TBC1D22A: variants seen among roughly 807,000 people sequenced by gnomAD.
TBC1D22A encodes putative GTPase activator.
A neutral mutation model predicts 60.2 loss-of-function variants in TBC1D22A; 38 were observed. That is an observed-to-expected ratio of 0.63 (90% CI 0.49 to 0.83). TBC1D22A has a LOEUF of 0.83. Among genes scored for constraint, TBC1D22A ranks in the 40% least tolerant of loss-of-function variants. The probability of loss-of-function intolerance (pLI) is 0.00; values close to 1 mark genes in which losing one functional copy is unlikely to be tolerated. For synonymous variants in TBC1D22A, 302 were observed against 281.7 expected (o/e 1.07, Z -0.72); for missense variants, 628 against 701.0 (o/e 0.90, Z 1.18).
intron 4 of TBC1D22A, among the ~76,000 whole-genome samples, chr22:46,875,224 T>C (rs751756721): frequency 6.6e-6 from 1 of 152,190 alleles, no homozygotes; most frequent in Non-Finnish European, 1.5e-5. Context: ...TTGTAAAGAA[T>C]GAACTACTGG....
intron 8 of TBC1D22A, among the ~76,000 whole-genome samples, chr22:46,924,035 A>T (rs1370894804): frequency 6.6e-6 from 1 of 152,230 alleles, no homozygotes; most frequent in African/African-American, 2.4e-5. Flanking sequence ...ATTTTGAATT[A>T]AGGAGCATTG....
chr22:47,151,914 A>G (rs569108444), intron 12 of TBC1D22A, among the ~76,000 whole-genome samples: 6 of 152,248 alleles, frequency 3.9e-5, no homozygotes, highest in Admixed American at 6.5e-5. Context: ...GGGGCCAGCA[A>G]TGTCACCTCT....
In TBC1D22A at chr22:46,941,416, G is replaced by A. The variant is rs1205988277; in HGVS notation, c.1015+29228G>A. Among the ~76,000 whole-genome samples, 250 of 61,620 alleles carry A rather than the reference G, an allele frequency of 4.1e-3. 25 individuals carry two copies. Among genetic ancestry groups the A allele is most frequent in the African/African-American group, 0.021 (231 of 10,806 alleles). 40.4% of individuals were successfully genotyped at this position (61,620 alleles called of 152,430 possible). A position where few individuals can be genotyped will look rare whatever the true frequency, so the allele number is the denominator to read the frequency against. The stretch of plus-strand genomic sequence containing the variant: ...ATATATATACACAGAATATATATAC[G>A]GAATATACACGGAATATATATACAC... On this transcript the variant is annotated intron_variant, in intron 8 of 12. Transcript: ENST00000337137.
At chr22:46,776,407 G>A (rs1291345578) in intron 1 of TBC1D22A, among the ~76,000 whole-genome samples, 1 of 152,156 alleles carries the variant, frequency 6.6e-6, no homozygotes, top group Non-Finnish European at 1.5e-5. Context: ...GTGTGGTGGG[G>A]TGGTATGGAT....
chr22:46,850,330 G>A (rs1221459446), intron 4 of TBC1D22A, among the ~76,000 whole-genome samples: 1 of 152,166 alleles, frequency 6.6e-6, no homozygotes, highest in Non-Finnish European at 1.5e-5. Context: ...TGGTGGCTGT[G>A]TGTGTGTGCG....
intron 11 of TBC1D22A, among the ~76,000 whole-genome samples, chr22:47,051,540 A>G (rs905708655): frequency 6.6e-6 from 1 of 152,200 alleles, no homozygotes; most frequent in African/African-American, 2.4e-5. Flanking sequence ...TGATCTCAAA[A>G]CGCCCTTCCG....
At chr22:47,125,166 C>T (rs2066410766) in intron 12 of TBC1D22A, among the ~76,000 whole-genome samples, 1 of 152,158 alleles carries the variant, frequency 6.6e-6, no homozygotes, top group Non-Finnish European at 1.5e-5. Context: ...TCCCCGAGTC[C>T]CCAGGCTCCG....
chr22:47,006,564 G>T (rs1056418737), intron 10 of TBC1D22A, among the ~76,000 whole-genome samples: 1 of 152,230 alleles, frequency 6.6e-6, no homozygotes, highest in Admixed American at 6.5e-5. Context: ...GGCCACCCAG[G>T]CCGGATGGCG....
intron 11 of TBC1D22A, among the ~76,000 whole-genome samples, chr22:47,040,752 GAAC>G (rs969986305): frequency 3.3e-5 from 5 of 152,142 alleles, no homozygotes; most frequent in Admixed American, 1.3e-4. Context: ...GAATGAAAAA[GAAC>G]AACAGGTTCT....
intron 8 of TBC1D22A, among the ~76,000 whole-genome samples, chr22:46,956,450 C>G (rs1328503782): frequency 2.6e-5 from 4 of 152,170 alleles, no homozygotes; most frequent in African/African-American, 7.2e-5. Flanking sequence ...CTTTTTTAAG[C>G]TTTTCTGTAT....
At chr22:46,885,232 G>A (rs2068052975) in intron 5 of TBC1D22A, among the ~76,000 whole-genome samples, 1 of 152,196 alleles carries the variant, frequency 6.6e-6, no homozygotes, top group Non-Finnish European at 1.5e-5. Flanking sequence ...CTCTTAGCAT[G>A]CGGATTTGTC....
intron 6 of TBC1D22A, among the ~76,000 whole-genome samples, chr22:46,892,528 C>G (rs2068458451): frequency 6.6e-6 from 1 of 152,136 alleles, no homozygotes; most frequent in Non-Finnish European, 1.5e-5. Context: ...GGCCCCTGGA[C>G]CGCACTGGAC....
chr22:47,068,787 T>G (rs1300423357), intron 11 of TBC1D22A, among the ~76,000 whole-genome samples: 2 of 152,192 alleles, frequency 1.3e-5, no homozygotes, highest in Non-Finnish European at 2.9e-5. Context: ...GAGGCCAGGG[T>G]GCAGATTGTG....
chr22:47,083,982 G>C (rs2064578507), intron 11 of TBC1D22A, among the ~76,000 whole-genome samples: 1 of 152,198 alleles, frequency 6.6e-6, no homozygotes, highest in Non-Finnish European at 1.5e-5. Context: ...TTTTGTAAGA[G>C]GCAAAATAGG....
At chr22:46,913,731 A>G (rs2070134986) in intron 8 of TBC1D22A, 1 of 985,330 alleles carries the variant, frequency 1.0e-6, no homozygotes, top group Non-Finnish European at 1.2e-6. Context: ...TGATTAGAGA[A>G]TTGATATTCC....
rs867666608 is a variant in TBC1D22A at position 46,972,913 on chromosome 22, G to A, written c.1016-1377G>A. ...AATCCGCCCACCCTCCCACGTTCCC[G>A]CAGGTCCCGCCATGTTGGATGTGTC... On this transcript the variant is annotated intron_variant, in intron 8 of 12. Coordinates refer to ENST00000337137, the MANE Select transcript of TBC1D22A (RefSeq NM_014346.5). Among the ~76,000 whole-genome samples, 12 of 152,280 alleles carry A rather than the reference G, an allele frequency of 7.9e-5. No homozygotes were observed. In the Middle Eastern group the frequency reaches 0.01, roughly 129 times the overall value.
chr22:46,943,324 G>A (rs1319452624), intron 8 of TBC1D22A, among the ~76,000 whole-genome samples: 1 of 152,164 alleles, frequency 6.6e-6, no homozygotes, highest in Non-Finnish European at 1.5e-5. Flanking sequence ...GGGGCAGAAA[G>A]CAACCTTGTG....
At position 47,132,713 on chromosome 22, in the gene TBC1D22A, G is replaced by A. The variant is rs1253488240; in HGVS notation, c.1425+21110G>A. Among the ~76,000 whole-genome samples, 3 of 152,230 alleles carry A rather than the reference G, an allele frequency of 2.0e-5. No homozygotes were observed. The East Asian group carries it at 5.8e-4, about 29-fold the overall frequency. On this transcript the variant is annotated intron_variant, in intron 12 of 12. Transcript: ENST00000337137. The stretch of plus-strand genomic sequence containing the variant: ...ACGGTTGCTGTGCCTTGTCCCGGGG[G>A]AGGCTGTGATGGCCCCACCTTGTAC...
At chr22:46,773,962 T>G in intron 1 of TBC1D22A, 1 of 985,540 alleles carries the variant, frequency 1.0e-6, no homozygotes, top group Non-Finnish European at 1.2e-6. Context: ...AGCCTCATCC[T>G]TATCTCCTCC....
Sources: allele counts gnomAD v4.1 joint callset (sites outside exome capture counted in the v4.1 genomes callset), GRCh38; gene constraint gnomAD v4.1.1; transcripts MANE v1.5; gene names NCBI Gene and HGNC (gene_info 2026-07-23, HGNC 2026-07-21).